KIAA1549: variants seen among roughly 807,000 people sequenced by gnomAD.
The protein encoded by KIAA1549 is KIAA1549.
A neutral mutation model predicts 156.4 loss-of-function variants in KIAA1549; 70 were observed. The ratio of observed to expected loss-of-function variants is 0.45; its 90% CI spans 0.37 to 0.55. KIAA1549 has a LOEUF of 0.55. Among genes scored for constraint, KIAA1549 ranks in the 20% least tolerant of loss-of-function variants. The probability of loss-of-function intolerance (pLI) is 0.00; values close to 1 mark genes in which losing one functional copy is unlikely to be tolerated. For missense variants in KIAA1549, 2,428 were observed against 2,540.9 expected, an observed-to-expected ratio of 0.96 and a Z score of 0.96; for synonymous variants, 1,103 against 1,066.4, an observed-to-expected ratio of 1.03 and a Z score of -0.67.
intron 10 of KIAA1549, among the ~76,000 whole-genome samples, chr7:138,892,389 T>C (rs369223646): frequency 2.6e-5 from 4 of 152,368 alleles, no homozygotes; most frequent in Admixed American, 2.0e-4. Context: ...CATAACCGTC[T>C]ACACTGGTTA....
chr7:138,959,814 G>A (rs760721609), intron 1 of KIAA1549, among the ~76,000 whole-genome samples: 7 of 152,212 alleles, frequency 4.6e-5, no homozygotes, highest in African/African-American at 1.7e-4. Context: ...GAGGATCAGA[G>A]AGCAACTGTG....
At chr7:138,929,847 T>C (rs895731137) in intron 1 of KIAA1549, among the ~76,000 whole-genome samples, 4 of 152,172 alleles carry the variant, frequency 2.6e-5, no homozygotes, top group Non-Finnish European at 5.9e-5. Flanking sequence ...TGTGCCACTA[T>C]GCCCAGCTAT....
At position 138,851,519 on chromosome 7, in the gene KIAA1549, T is replaced by TA. The variant is rs112313557; in HGVS notation, c.5294+703dup. Among the ~76,000 whole-genome samples, 768 of 148,978 alleles carry TA rather than the reference T, an allele frequency of 5.2e-3. 4 individuals are homozygous for TA. Among genetic ancestry groups the TA allele is most frequent in the African/African-American group, 0.017 (701 of 40,614 alleles). The stretch of plus-strand genomic sequence containing the variant: ...CTTCTATTGTCTATTTCTTTCTAAT[T>TA]AAAAAAAAACCTGTATTTTCTTTTC... On this transcript the variant is annotated intron_variant, in intron 17 of 19. Transcript: ENST00000422774.
At chr7:138,924,783 A>T (rs970605019) in intron 1 of KIAA1549, among the ~76,000 whole-genome samples, 2 of 152,154 alleles carry the variant, frequency 1.3e-5, no homozygotes, top group Non-Finnish European at 1.5e-5. Context: ...CTCTCACAGC[A>T]TGAAAGGCGT....
chr7:138,894,674 G>C, intron 9 of KIAA1549, 148 bp from the exon 10 acceptor site: 1 of 696,400 alleles, frequency 1.4e-6, no homozygotes, highest in South Asian at 1.9e-5. Flanking sequence ...GACAGGAAAT[G>C]TGACCAGCAG....
Position 138,884,639 on chromosome 7 carries a change from G to A in KIAA1549, c.4033-3055C>T, listed in dbSNP as rs112000041. ...TTTTTGTTTTTGTTTAATTAACCCGGTATAATGTGGCTTACTTTCTAACCT... is the reference window on the plus strand; with the variant it reads ...TTTTTGTTTTTGTTTAATTAACCCGATATAATGTGGCTTACTTTCTAACCT... On this transcript the variant is annotated intron_variant, in intron 10 of 19. Coordinates refer to ENST00000422774, the MANE Select transcript of KIAA1549 (RefSeq NM_001164665.2). 5.9e-3 allele frequency among the ~76,000 whole-genome samples: 897 copies of A among 152,256 alleles called. 13 individuals are homozygous for A. Among genetic ancestry groups the A allele is most frequent in the African/African-American group, 0.02 (847 of 41,554 alleles).
intron 13 of KIAA1549, among the ~76,000 whole-genome samples, chr7:138,870,702 A>C (rs1029381588): frequency 2.6e-5 from 4 of 152,212 alleles, no homozygotes; most frequent in African/African-American, 9.6e-5. Flanking sequence ...ATCTCCAACA[A>C]GCGTGATGTT....
chr7:138,947,589 CA>C (rs1455065447), intron 1 of KIAA1549, among the ~76,000 whole-genome samples: 1 of 152,140 alleles, frequency 6.6e-6, no homozygotes, highest in East Asian at 1.9e-4. Context: ...AAAACATATA[CA>C]ATACCAAGTT....
At chr7:138,940,008 A>T (rs1438257815) in intron 1 of KIAA1549, among the ~76,000 whole-genome samples, 1 of 152,074 alleles carries the variant, frequency 6.6e-6, no homozygotes, top group Non-Finnish European at 1.5e-5. Flanking sequence ...TTTTAATTTT[A>T]ATTTAAAAAT....
intron 1 of KIAA1549, among the ~76,000 whole-genome samples, chr7:138,954,517 A>G (rs953943908): frequency 6.6e-6 from 1 of 152,168 alleles, no homozygotes; most frequent in East Asian, 1.9e-4. Context: ...GCTCTCTACG[A>G]TAGCCTGGGA....
intron 1 of KIAA1549, among the ~76,000 whole-genome samples, chr7:138,963,675 A>C (rs512011): frequency 1.5e-4 from 23 of 152,058 alleles, no homozygotes; most frequent in African/African-American, 5.5e-4. Flanking sequence ...CGGCTGTACC[A>C]GTTAGTTTTT....
chr7:138,928,190 G>A (rs1221589239), intron 1 of KIAA1549, among the ~76,000 whole-genome samples: 1 of 152,050 alleles, frequency 6.6e-6, no homozygotes, highest in African/African-American at 2.4e-5. Flanking sequence ...CAAAGTGCTG[G>A]GATTATAGGC....
At chr7:138,912,698 T>C (rs1225278339) in intron 2 of KIAA1549, among the ~76,000 whole-genome samples, 1 of 151,834 alleles carries the variant, frequency 6.6e-6, no homozygotes, top group Non-Finnish European at 1.5e-5. Context: ...TAGCATCAGC[T>C]CAACACACTA....
Position 138,887,999 on chromosome 7 carries a change from G to A in KIAA1549, c.4032+6343C>T, listed in dbSNP as rs114807099. 8.5e-4 allele frequency among the ~76,000 whole-genome samples: 129 copies of A among 152,320 alleles called. 1 individual carries two copies. The highest frequency in any genetic ancestry group is 3.1e-3 in the African/African-American group (128 of 41,576). The stretch of plus-strand genomic sequence containing the variant: ...AGGACGGCAGTGAGAAATGCCAAGG[G>A]CATTGTCTCATTTCATCCAGGGGAC... On this transcript the variant is annotated intron_variant, in intron 10 of 19. Transcript: ENST00000422774.
At chr7:138,889,272 G>C (rs149826928) in intron 10 of KIAA1549, among the ~76,000 whole-genome samples, 1 of 152,142 alleles carries the variant, frequency 6.6e-6, no homozygotes, top group Non-Finnish European at 1.5e-5. Flanking sequence ...TCTATAGGGC[G>C]GTCTACGTAG....
intron 17 of KIAA1549, 121 bp from the exon 18 acceptor site, chr7:138,844,595 C>T: frequency 8.7e-6 from 8 of 918,334 alleles, no homozygotes; most frequent in Non-Finnish European, 9.1e-6. Context: ...TAGCCATCTC[C>T]TCTCCTGGAA....
intron 1 of KIAA1549, among the ~76,000 whole-genome samples, chr7:138,960,322 T>C (rs1210382590): frequency 6.0e-5 from 9 of 150,810 alleles, no homozygotes; most frequent in African/African-American, 2.0e-4. Context: ...TTTATTTATT[T>C]ATTTTGAGAT....
At chr7:138,886,772 C>T (rs914716512) in intron 10 of KIAA1549, among the ~76,000 whole-genome samples, 2 of 152,208 alleles carry the variant, frequency 1.3e-5, no homozygotes, top group African/African-American at 4.8e-5. Flanking sequence ...TCCACCACTT[C>T]AGCAGTTCAT....
intron 1 of KIAA1549, among the ~76,000 whole-genome samples, chr7:138,940,056 G>A (rs994470408): frequency 8.6e-5 from 13 of 152,022 alleles, no homozygotes; most frequent in Admixed American, 1.3e-4. Flanking sequence ...GGGTACATGT[G>A]CACAACGTGC....
Sources: allele counts gnomAD v4.1 joint callset (sites outside exome capture counted in the v4.1 genomes callset), GRCh38; gene constraint gnomAD v4.1.1; transcripts MANE v1.5; gene names NCBI Gene and HGNC (gene_info 2026-07-23, HGNC 2026-07-21).